The following CLCN1 variants were observed in gnomAD, a reference collection of about 807,000 sequenced individuals.
The protein encoded by CLCN1 is chloride voltage-gated channel 1.
CLCN1 carries 100 observed loss-of-function variants against 114.5 expected under a neutral mutation model. The observed-to-expected ratio is 0.87, with a 90% CI of 0.74 to 1.03. The LOEUF is 1.03. Ranked by LOEUF, CLCN1 falls within the 50% of genes least tolerant of loss-of-function variation. CLCN1 has a pLI of 0.00. For missense variants in CLCN1, 1,188 were observed against 1,250.0 expected, an observed-to-expected ratio of 0.95 and a Z score of 0.75; for synonymous variants, 485 against 487.1, an observed-to-expected ratio of 1.00 and a Z score of 0.06.
At position 143,324,009 on chromosome 7, in the gene CLCN1, G is replaced by C. The variant is rs967472761; in HGVS notation, c.775-405G>C. ...ATCCAGGGAATGACTGTGGATCACA[G>C]CCCCTGCGGTCCAGATACCTATATT... On this transcript the variant is annotated intron_variant, in intron 6 of 22. Coordinates refer to ENST00000343257, the MANE Select transcript of CLCN1 (RefSeq NM_000083.3). This position sits in a 1 kb window ranked among gnomAD's most constrained non-coding sequence, Gnocchi z 4.6. 7.7e-6 allele frequency: 3 copies of C among 389,534 alleles called. No homozygotes were observed. The highest frequency in any genetic ancestry group is 1.5e-5 in the Non-Finnish European group (3 of 199,060). 24.1% of individuals were successfully genotyped at this position (389,534 alleles called of 1,614,324 possible).
intron 2 of CLCN1, 47 bp downstream of exon 2, chr7:143,319,922 A>C: frequency 6.2e-7 from 1 of 1,604,374 alleles, no homozygotes; most frequent in East Asian, 2.2e-5. Context: ...AAACAGGTAC[A>C]GGGATTAGGA....
intron 16 of CLCN1, among the ~76,000 whole-genome samples, chr7:143,345,128 G>A (rs1031042360): frequency 6.6e-6 from 1 of 152,152 alleles, no homozygotes; most frequent in Non-Finnish European, 1.5e-5. Flanking sequence ...GAGATATAAT[G>A]TTTGTATTGC....
intron 14 of CLCN1, 74 bp from the exon 15 acceptor site, chr7:143,341,855 C>A: frequency 1.7e-6 from 2 of 1,174,276 alleles, no homozygotes; most frequent in Non-Finnish European, 2.5e-6. Context: ...GTGTTATTCC[C>A]ATCCCATCCC....
chr7:143,336,589 A>G (rs1802901053), intron 12 of CLCN1, among the ~76,000 whole-genome samples: 2 of 143,870 alleles, frequency 1.4e-5, no homozygotes, highest in African/African-American at 5.2e-5. Context: ...CCTGGGTGAC[A>G]GAACAAGACT....
chr7:143,343,254 T>G (rs2367943), intron 16 of CLCN1, among the ~76,000 whole-genome samples: 66,830 of 152,172 alleles, frequency 0.44, 15,252 homozygotes, highest in African/African-American at 0.56. Context: ...ATCACAGCCT[T>G]CTTGCACTAG....
chr7:143,333,979 C>T (rs971848251), intron 12 of CLCN1, among the ~76,000 whole-genome samples: 5 of 152,132 alleles, frequency 3.3e-5, no homozygotes, highest in East Asian at 1.9e-4. Context: ...TTTGGGAAGC[C>T]GAGAGAGGTG....
intron 1 of CLCN1, 119 bp from the exon 2 acceptor site, chr7:143,319,636 C>A: frequency 9.4e-7 from 1 of 1,063,110 alleles, no homozygotes; most frequent in Non-Finnish European, 1.5e-6. Flanking sequence ...TGCATGCAGT[C>A]AACACCCAGA....
chr7:143,339,395 C>T lies in CLCN1; in HGVS notation c.1471+73C>T. On this transcript the variant is annotated intron_variant, in intron 13 of 22. Transcript: ENST00000343257. This position sits in a 1 kb window ranked among gnomAD's most constrained non-coding sequence, Gnocchi z 4.1. Reference sequence around the variant, plus strand: ...GGATACAGGAAACATAAGGAAAGGCCCGGGATGCTGGGAGTTTATATTTGT... The same window carrying T: ...GGATACAGGAAACATAAGGAAAGGCTCGGGATGCTGGGAGTTTATATTTGT... 7.2e-7 allele frequency: 1 copy of T among 1,398,320 alleles called. No homozygotes were observed. Among genetic ancestry groups the T allele is most frequent in the Non-Finnish European group, 1.0e-6 (1 of 983,442 alleles). The allele number at this position is 1,398,320 out of a possible 1,614,324, so 86.6% of individuals were successfully genotyped here.
intron 18 of CLCN1, 43 bp from the exon 19 acceptor site, chr7:143,346,536 T>G: frequency 4.1e-6 from 6 of 1,481,044 alleles, no homozygotes; most frequent in African/African-American, 1.4e-5. Context: ...GGCCGTTTCC[T>G]GTTGCTTTGT....
intron 7 of CLCN1, among the ~76,000 whole-genome samples, chr7:143,328,274 T>C (rs898011135): frequency 6.6e-6 from 1 of 151,946 alleles, no homozygotes; most frequent in Non-Finnish European, 1.5e-5. Context: ...AGAGAAAGTG[T>C]GTCTATGAGT....
intron 2 of CLCN1, 87 bp from the exon 3 acceptor site, chr7:143,320,577 C>G: frequency 8.1e-6 from 9 of 1,114,360 alleles, no homozygotes; most frequent in East Asian, 2.6e-5. Context: ...CTCTCTCTCT[C>G]TCTCTCTCTG....
intron 7 of CLCN1, among the ~76,000 whole-genome samples, chr7:143,327,268 G>A (rs1482635526): frequency 5.2e-5 from 2 of 38,336 alleles, no homozygotes. Context: ...AAAAAGAAAA[G>A]TTACCAGAAC....
rs201675628 is a variant in CLCN1, at chr7:143,345,651, C to A, written c.2061C>A (p.Asp687Glu). 1.3e-6 allele frequency: 2 copies of A among 1,565,312 alleles called. No homozygotes were observed. Among genetic ancestry groups the A allele is most frequent in the African/African-American group, 2.7e-5 (2 of 73,820 alleles). ...MARKLSELPY[D>E]GKARLAGEGL... ...GGAAGTTGTCGGAGCTGCCTTACGA[C>A]GGGAAGGCGCGGCTGGCTGGGGAGG... is the stretch of plus-strand genomic sequence containing the variant. Residue 687 changes from aspartate to glutamate, a missense_variant, in exon 17 of 23, where the codon GAC (aspartate) becomes GAA (glutamate). Physicochemically the swap from Asp to Glu is conservative, Grantham distance 45. Transcript: ENST00000343257.
At chr7:143,320,625 G>GT (rs775661150) in intron 2 of CLCN1, 39 bp from the exon 3 acceptor site, 1 of 1,512,424 alleles carries the variant, frequency 6.6e-7, no homozygotes, top group African/African-American at 1.4e-5. Flanking sequence ...TTGTTTGTTT[G>GT]TTGTTTGTTT....
At chr7:143,335,141 A>G (rs182389746) in intron 12 of CLCN1, among the ~76,000 whole-genome samples, 30 of 152,202 alleles carry the variant, frequency 2.0e-4, no homozygotes, top group Admixed American at 3.9e-4. Context: ...GAAATACTGT[A>G]TATTTTTCAA....
At chr7:143,346,828 G>C (rs906998747) in intron 19 of CLCN1, 83 bp from the exon 20 acceptor site, 2 of 1,379,144 alleles carry the variant, frequency 1.5e-6, no homozygotes, top group African/African-American at 2.8e-5. Flanking sequence ...TGGCCAGGGA[G>C]GGATGGCTAT....
At chr7:143,323,769 C>T (rs966265197) in intron 6 of CLCN1, 2 of 481,642 alleles carry the variant, frequency 4.2e-6, no homozygotes, top group Admixed American at 2.3e-5. Flanking sequence ...ACATACGTCC[C>T]GCCTGCCCCA....
At chr7:143,342,586 G>A (rs1179210996) in intron 16 of CLCN1, 81 bp downstream of exon 16, 14 of 1,484,544 alleles carry the variant, frequency 9.4e-6, no homozygotes, top group South Asian at 2.3e-5. Context: ...CCCCATGGTG[G>A]GGGCTTTGTC....
rs1280878764 is a variant in CLCN1, at chr7:143,350,813, T to A, written c.2595+159T>A. Among the ~76,000 whole-genome samples the A allele has an allele frequency of 2.6e-5, 4 of 151,862 alleles. No individual in the cohort carries two copies. In the East Asian group the frequency reaches 7.8e-4, roughly 29 times the overall value. On this transcript the variant is annotated intron_variant, in intron 22 of 22. Coordinates refer to ENST00000343257, the MANE Select transcript of CLCN1 (RefSeq NM_000083.3). The surrounding 1 kb of genome is among the most constrained non-coding windows in gnomAD (Gnocchi z 5.1). The stretch of plus-strand genomic sequence containing the variant: ...TTTTTTTGAGACAGAGTTTCACTCT[T>A]GTCGCCCAGGCTGGAGTGCAGTGGC...
Sources: allele counts gnomAD v4.1 joint callset (sites outside exome capture counted in the v4.1 genomes callset), GRCh38; gene constraint gnomAD v4.1.1; non-coding constraint Gnocchi (gnomAD v3.1); transcripts MANE v1.5; gene names NCBI Gene and HGNC (gene_info 2026-07-23, HGNC 2026-07-21).